CNTLN: variants seen among roughly 807,000 people sequenced by gnomAD.
CNTLN encodes the protein centlein, centrosomal protein.
CNTLN carries 212 observed loss-of-function variants against 180.0 expected under a neutral mutation model. That is an observed-to-expected ratio of 1.18 (90% CI 1.05 to 1.32). CNTLN has a LOEUF of 1.32. Among genes scored for constraint, CNTLN ranks in the 40% most tolerant of loss-of-function variants. The probability of loss-of-function intolerance (pLI) is 0.00; values close to 1 mark genes in which losing one functional copy is unlikely to be tolerated. For missense variants in CNTLN, 2,095 were observed against 1,610.9 expected, an observed-to-expected ratio of 1.30 and a Z score of -5.14; for synonymous variants, 722 against 563.1, an observed-to-expected ratio of 1.28 and a Z score of -3.99.
intron 8 of CNTLN, among the ~76,000 whole-genome samples, chr9:17,310,325 A>G (rs1430260473): frequency 6.6e-6 from 1 of 152,194 alleles, no homozygotes; most frequent in East Asian, 1.9e-4. Flanking sequence ...AAAAAATGAT[A>G]TAATGTGTTG....
At chr9:17,153,779 T>G (rs1038247291) in intron 2 of CNTLN, among the ~76,000 whole-genome samples, 2 of 152,200 alleles carry the variant, frequency 1.3e-5, no homozygotes, top group African/African-American at 4.8e-5. Context: ...TCTCCGTCAC[T>G]TTCAGGTACA....
chr9:17,483,593 A>T (rs1250932065), intron 23 of CNTLN, among the ~76,000 whole-genome samples: 1 of 152,226 alleles, frequency 6.6e-6, no homozygotes, highest in Non-Finnish European at 1.5e-5. Context: ...CATGTATTGA[A>T]GCACTCTGTC....
chr9:17,376,791 G>A (rs1006128812), intron 13 of CNTLN, among the ~76,000 whole-genome samples: 1 of 152,058 alleles, frequency 6.6e-6, no homozygotes, highest in African/African-American at 2.4e-5. Flanking sequence ...AAGGCTAGAT[G>A]GGTAGACTAA....
At chr9:17,262,550 A>C (rs913707405) in intron 5 of CNTLN, among the ~76,000 whole-genome samples, 1 of 151,382 alleles carries the variant, frequency 6.6e-6, no homozygotes, top group Non-Finnish European at 1.5e-5. Context: ...CAGGAAGGGG[A>C]GCATCATACA....
At chr9:17,269,997 C>T (rs1475034213) in intron 5 of CNTLN, among the ~76,000 whole-genome samples, 2 of 152,058 alleles carry the variant, frequency 1.3e-5, no homozygotes, top group East Asian at 3.8e-4. Context: ...TTTGCACAGT[C>T]ATCTTTTATA....
intron 6 of CNTLN, among the ~76,000 whole-genome samples, chr9:17,283,492 T>C (rs1828787850): frequency 6.6e-6 from 1 of 152,174 alleles, no homozygotes; most frequent in Non-Finnish European, 1.5e-5. Flanking sequence ...TGGAAAGCTT[T>C]TGGGCTGTGA....
the CNTLN span, among the ~76,000 whole-genome samples, chr9:17,514,020 A>C: frequency 6.6e-6 from 1 of 152,076 alleles, no homozygotes; most frequent in Non-Finnish European, 1.5e-5. Context: ...GAAGTGGTAG[A>C]AAGTCAGCCA....
intron 15 of CNTLN, 121 bp downstream of exon 15, chr9:17,395,190 C>G (rs1216960135): frequency 4.4e-6 from 6 of 1,378,292 alleles, no homozygotes; most frequent in Non-Finnish European, 5.7e-6. Context: ...CTGTCAGATC[C>G]TTTGAAATAT....
chr9:17,271,548 T>G (rs1827945811), intron 5 of CNTLN, among the ~76,000 whole-genome samples: 1 of 152,220 alleles, frequency 6.6e-6, no homozygotes, highest in Non-Finnish European at 1.5e-5. Context: ...TTTCTAATGA[T>G]TAAAATACAT....
intron 2 of CNTLN, among the ~76,000 whole-genome samples, chr9:17,163,656 A>G (rs1819841666): frequency 6.6e-6 from 1 of 152,238 alleles, no homozygotes. Context: ...GAACAAGCAA[A>G]TGCATGATAT....
At chr9:17,511,512 T>A in the CNTLN span, among the ~76,000 whole-genome samples, 1 of 152,278 alleles carries the variant, frequency 6.6e-6, no homozygotes, top group African/African-American at 2.4e-5. Flanking sequence ...GTTGGCAGGA[T>A]TCAGTTCCAC....
intron 5 of CNTLN, among the ~76,000 whole-genome samples, chr9:17,262,775 A>G (rs1365157650): frequency 4.0e-5 from 6 of 151,110 alleles, no homozygotes; most frequent in Non-Finnish European, 8.8e-5. Flanking sequence ...GTATCTCTGT[A>G]TTTTTCCAGT....
chr9:17,168,034 G>A (rs1005893219), intron 2 of CNTLN: 9 of 152,108 alleles, frequency 5.9e-5, no homozygotes, highest in African/African-American at 1.4e-4. Flanking sequence ...AAATTACCCC[G>A]TCACTTCTGG....
chr9:17,362,467 T>C (rs1436913646), intron 12 of CNTLN, among the ~76,000 whole-genome samples: 1 of 151,870 alleles, frequency 6.6e-6, no homozygotes, highest in Non-Finnish European at 1.5e-5. Context: ...GTTTATAATA[T>C]ATGAACAAAA....
the CNTLN span, among the ~76,000 whole-genome samples, chr9:17,521,118 T>A: frequency 6.6e-6 from 1 of 152,162 alleles, no homozygotes; most frequent in South Asian, 2.1e-4. Flanking sequence ...ATCAAGGTGA[T>A]GTTTTAAAAT....
In CNTLN at chr9:17,288,992, A is replaced by C. The variant is rs200896199; in HGVS notation, c.984-9198A>C. On this transcript the variant is annotated intron_variant, in intron 6 of 25. Coordinates refer to ENST00000380647, the MANE Select transcript of CNTLN (RefSeq NM_017738.4). ...GCCAGTCTGTGTCTTTTAATTGGAG[A>C]ATTTAGTCCATTTACATTTAAAGTT... Among the ~76,000 whole-genome samples, 13 of 119,540 alleles carry C rather than the reference A, an allele frequency of 1.1e-4. 1 individual carries two copies. Among genetic ancestry groups the C allele is most frequent in the Non-Finnish European group, 1.2e-4 (7 of 59,344 alleles). The allele number at this position is 119,540 out of a possible 152,430, so 78.4% of individuals were successfully genotyped here.
intron 13 of CNTLN, among the ~76,000 whole-genome samples, chr9:17,372,976 T>C (rs913072734): frequency 6.6e-6 from 1 of 152,162 alleles, no homozygotes; most frequent in African/African-American, 2.4e-5. Flanking sequence ...GGAACAAACA[T>C]ACATCAGGAT....
rs774991381 is a variant in CNTLN, at chr9:17,466,164, C to T, written c.3669+46C>T. On this transcript the variant is annotated intron_variant, in intron 22 of 25. Coordinates refer to ENST00000380647, the MANE Select transcript of CNTLN (RefSeq NM_017738.4). ...TTTTAGATTACAGATGGAATATAATCGTGTTTGTTTCATTTTTAACATTGT... is the reference window on the plus strand; with the variant it reads ...TTTTAGATTACAGATGGAATATAATTGTGTTTGTTTCATTTTTAACATTGT... 6.6e-6 allele frequency: 10 copies of T among 1,515,034 alleles called. No individual in the cohort carries two copies. The South Asian group carries it at 7.1e-5, about 11-fold the overall frequency. 93.8% of individuals were successfully genotyped at this position (1,515,034 alleles called of 1,614,324 possible).
chr9:17,486,501 G>A (rs1377249158), intron 24 of CNTLN, among the ~76,000 whole-genome samples: 5 of 152,112 alleles, frequency 3.3e-5, no homozygotes, highest in Admixed American at 6.6e-5. Flanking sequence ...TGGCCTATCA[G>A]TAGATTATTG....
Sources: gnomAD v4.1 joint callset for allele counts (sites outside exome capture counted in the v4.1 genomes callset) on GRCh38, gnomAD v4.1.1 for gene constraint, MANE v1.5 for transcripts, NCBI Gene and HGNC (gene_info 2026-07-23, HGNC 2026-07-21) for gene names.